KCNS3: variants seen among roughly 807,000 people sequenced by gnomAD.
KCNS3 encodes potassium voltage-gated channel modifier subfamily S member 3.
In KCNS3, 13 loss-of-function variants were observed where a neutral mutation model predicts 31.0. The observed-to-expected ratio is 0.42, with a 90% CI of 0.27 to 0.67. KCNS3 has a LOEUF of 0.67. Among genes scored for constraint, KCNS3 ranks in the 30% least tolerant of loss-of-function variants. The pLI is 0.25. For missense variants in KCNS3, 545 were observed against 622.4 expected (o/e 0.88, Z 1.32); for synonymous variants, 238 against 241.5 (o/e 0.99, Z 0.13).
chr2:17,924,909 G>C (rs1662800462), intron 2 of KCNS3, among the ~76,000 whole-genome samples: 1 of 152,176 alleles, frequency 6.6e-6, no homozygotes, highest in African/African-American at 2.4e-5. Context: ...GGGAGGGTTT[G>C]TGGAAGATTG....
intron 1 of KCNS3, among the ~76,000 whole-genome samples, chr2:17,882,814 T>A (rs1373773824): frequency 6.6e-6 from 1 of 152,204 alleles, no homozygotes; most frequent in African/African-American, 2.4e-5. Context: ...TTTTTCTTTA[T>A]CATTTCTCTA....
chr2:17,902,710 T>A (rs1299325171), intron 1 of KCNS3, among the ~76,000 whole-genome samples: 1 of 152,212 alleles, frequency 6.6e-6, no homozygotes, highest in East Asian at 1.9e-4. Context: ...AGTCAAGCAG[T>A]GTTAATGTGG....
intron 2 of KCNS3, among the ~76,000 whole-genome samples, chr2:17,923,897 A>T (rs1662776558): frequency 6.6e-6 from 1 of 152,016 alleles, no homozygotes; most frequent in Non-Finnish European, 1.5e-5. Context: ...CAATTTCTGA[A>T]AAAAGGCAGC....
At chr2:17,880,312 T>C (rs1006767947) in intron 1 of KCNS3, among the ~76,000 whole-genome samples, 5 of 152,196 alleles carry the variant, frequency 3.3e-5, no homozygotes, top group Middle Eastern at 3.2e-3. Flanking sequence ...ACTCGTTCAG[T>C]ATGCATTTCC....
intron 1 of KCNS3, among the ~76,000 whole-genome samples, chr2:17,886,130 A>G (rs1005017172): frequency 2.6e-5 from 4 of 152,244 alleles, no homozygotes; most frequent in Non-Finnish European, 4.4e-5. Context: ...GCTGGCTTAA[A>G]TCCTGACAAA....
chr2:17,919,503 A>G (rs1214007228), intron 2 of KCNS3: 2 of 152,202 alleles, frequency 1.3e-5, no homozygotes, highest in African/African-American at 4.8e-5. Flanking sequence ...TCAGAATCCT[A>G]GTCTTTCCCT....
chr2:17,900,037 G>T lies in KCNS3; in HGVS notation c.-251-17643G>T, dbSNP rs371456702. Among the ~76,000 whole-genome samples, 12 of 152,064 alleles carry T rather than the reference G, an allele frequency of 7.9e-5. No homozygotes were observed. The East Asian group carries it at 1.9e-3, about 24-fold the overall frequency. Reference sequence around the variant, plus strand: ...ATGGGGCTCATTGGAGAGCGGGCGTGGTCTCTGTGGCTGCCACCTCTGCTT... The same window carrying T: ...ATGGGGCTCATTGGAGAGCGGGCGTTGTCTCTGTGGCTGCCACCTCTGCTT... On this transcript the variant is annotated intron_variant, in intron 1 of 2. Transcript: ENST00000304101.
intron 2 of KCNS3, among the ~76,000 whole-genome samples, chr2:17,919,214 C>T (rs946428850): frequency 6.6e-6 from 1 of 152,082 alleles, no homozygotes; most frequent in Non-Finnish European, 1.5e-5. Context: ...AATACAGATC[C>T]AGAGGGAGTG....
intron 1 of KCNS3, among the ~76,000 whole-genome samples, chr2:17,905,987 G>C (rs1662305009): frequency 6.6e-6 from 1 of 152,164 alleles, no homozygotes; most frequent in African/African-American, 2.4e-5. Context: ...AGATGAGTTA[G>C]GGAGGATTCC....
Position 17,884,266 on chromosome 2 carries a change from AAAATATAT to A in KCNS3, c.-252+5462_-252+5469del, listed in dbSNP as rs1267340389. On this transcript the variant is annotated intron_variant, in intron 1 of 2. Coordinates refer to ENST00000304101, the MANE Select transcript of KCNS3 (RefSeq NM_002252.5). Reference sequence around the variant, plus strand: ...AACTTAAAGTATAATTAAAAAAAAAAAAATATATATATATATATATATATATATATATA... The same window carrying A: ...AACTTAAAGTATAATTAAAAAAAAAAATATATATATATATATATATATATA... Among the ~76,000 whole-genome samples the A allele has an allele frequency of 7.8e-4, 35 of 45,140 alleles. 1 individual carries two copies. The highest frequency in any genetic ancestry group is 0.013 in the Middle Eastern group (1 of 78). The allele number at this position is 45,140 out of a possible 152,430, so 29.6% of individuals were successfully genotyped here.
chr2:17,916,895 C>G (rs1662604227), intron 1 of KCNS3, among the ~76,000 whole-genome samples: 1 of 150,756 alleles, frequency 6.6e-6, no homozygotes, highest in African/African-American at 2.4e-5. Flanking sequence ...CCTTTTGGAC[C>G]TGGTGTGGAT....
At chr2:17,905,720 A>G (rs1447551795) in intron 1 of KCNS3, among the ~76,000 whole-genome samples, 1 of 152,200 alleles carries the variant, frequency 6.6e-6, no homozygotes, top group East Asian at 1.9e-4. Context: ...TGAGATAATC[A>G]TGTGGCTTTT....
At chr2:17,890,106 T>C (rs979008420) in intron 1 of KCNS3, among the ~76,000 whole-genome samples, 12 of 152,196 alleles carry the variant, frequency 7.9e-5, no homozygotes, top group African/African-American at 2.9e-4. Flanking sequence ...TCACTGCTTG[T>C]TATTAGTCTG....
At chr2:17,904,817 A>G (rs976572646) in intron 1 of KCNS3, among the ~76,000 whole-genome samples, 6 of 152,054 alleles carry the variant, frequency 3.9e-5, no homozygotes, top group Non-Finnish European at 5.9e-5. Flanking sequence ...CCATTGGTCT[A>G]TATCTCTGTT....
intron 1 of KCNS3, among the ~76,000 whole-genome samples, chr2:17,905,034 T>C (rs1436384899): frequency 6.6e-6 from 1 of 152,228 alleles, no homozygotes; most frequent in African/African-American, 2.4e-5. Context: ...GCATTGAATC[T>C]ATAAATTACC....
chr2:17,897,426 A>G (rs766510579), intron 1 of KCNS3, among the ~76,000 whole-genome samples: 1 of 152,172 alleles, frequency 6.6e-6, no homozygotes, highest in Non-Finnish European at 1.5e-5. Context: ...TGCTGAGTTG[A>G]ATGGTAGTTC....
At chr2:17,891,773 A>G (rs1166514941) in intron 1 of KCNS3, among the ~76,000 whole-genome samples, 1 of 152,186 alleles carries the variant, frequency 6.6e-6, no homozygotes, top group African/African-American at 2.4e-5. Flanking sequence ...TTTAGCTTGC[A>G]GGGTTTCTGC....
rs1291156923 is a variant in KCNS3, at chr2:17,931,111, C to T, written c.103C>T (p.Arg35Trp). Reference protein sequence around the residue: ...KQSVDQSTLLRFPHTRLGKLL... With the variant: ...KQSVDQSTLLWFPHTRLGKLL... ...GTCTGTTGACCAAAGCACCCTCCTG[C>T]GGTTTCCTCACACCAGACTGGGGAA... Residue 35 changes from arginine (R) to tryptophan (W), a missense_variant, in exon 3 of 3, where the codon CGG becomes TGG. Coordinates refer to ENST00000304101, the MANE Select transcript of KCNS3 (RefSeq NM_002252.5). The surrounding 1 kb of genome is among the most constrained non-coding windows in gnomAD (Gnocchi z 5.4). 10 of 1,614,064 alleles carry T rather than the reference C, an allele frequency of 6.2e-6. No individual in the cohort carries two copies. The highest frequency in any genetic ancestry group is 2.2e-5 in the South Asian group (2 of 91,094).
chr2:17,902,723 A>G (rs1473216270), intron 1 of KCNS3, among the ~76,000 whole-genome samples: 1 of 152,100 alleles, frequency 6.6e-6, no homozygotes, highest in Admixed American at 6.6e-5. Flanking sequence ...TAATGTGGTG[A>G]TTTGCCACGT....
Sources: allele counts gnomAD v4.1 joint callset (sites outside exome capture counted in the v4.1 genomes callset), GRCh38; gene constraint gnomAD v4.1.1; non-coding constraint Gnocchi (gnomAD v3.1); transcripts MANE v1.5; gene names NCBI Gene and HGNC (gene_info 2026-07-23, HGNC 2026-07-21).